Variants in LAP3 observed in about 807,000 individuals in gnomAD.
LAP3 encodes the protein cytosol aminopeptidase.
Under a neutral mutation model 58.8 loss-of-function variants are expected in LAP3, and 46 were observed. The ratio of observed to expected loss-of-function variants is 0.78; its 90% CI spans 0.62 to 1.00. The LOEUF (loss-of-function observed/expected upper bound fraction) is 1.00. LAP3 is among the 50% of genes least tolerant of loss of function. LAP3 has a pLI of 0.00. For synonymous variants in LAP3, 257 were observed against 237.7 expected, an observed-to-expected ratio of 1.08 and a Z score of -0.75; for missense variants, 615 against 659.1, an observed-to-expected ratio of 0.93 and a Z score of 0.73.
At chr4:17,580,827 T>A (rs549472370) in intron 2 of LAP3, among the ~76,000 whole-genome samples, 1 of 152,302 alleles carries the variant, frequency 6.6e-6, no homozygotes, top group African/African-American at 2.4e-5. Context: ...CATGCTGTAT[T>A]TGGCAGACAT....
chr4:17,597,210 A>G lies in LAP3; in HGVS notation c.1077+76A>G, dbSNP rs955122829. ...CCGTGGTGGCCACATAACCACAGCTAGGATGCGTGCAGAGCCCCAGAACCA... is the reference window on the plus strand; with the variant it reads ...CCGTGGTGGCCACATAACCACAGCTGGGATGCGTGCAGAGCCCCAGAACCA... On this transcript the variant is annotated intron_variant, in intron 9 of 12. Coordinates refer to ENST00000226299, the MANE Select transcript of LAP3 (RefSeq NM_015907.3). 339 of 1,206,930 alleles carry G rather than the reference A, an allele frequency of 2.8e-4. 1 individual carries two copies. Among genetic ancestry groups the G allele is most frequent in the Middle Eastern group, 3.8e-4 (2 of 5,280 alleles). The allele number at this position is 1,206,930 out of a possible 1,614,324, so 74.8% of individuals were successfully genotyped here.
intron 9 of LAP3, among the ~76,000 whole-genome samples, chr4:17,597,442 A>T (rs1713858991): frequency 1.3e-5 from 2 of 152,052 alleles, no homozygotes; most frequent in African/African-American, 4.8e-5. Context: ...ATGCCTGGCT[A>T]GCTTTTTGTA....
chr4:17,579,826 C>T lies in LAP3; in HGVS notation c.105C>T (p.Gly35=), dbSNP rs139223671. The T allele has an allele frequency of 3.2e-3, 5,138 of 1,589,784 alleles. 274 individuals carry two copies. In the Admixed American group the frequency reaches 0.082, roughly 25 times the overall value. ...RSLSTADMTK[G]LVLGIYSKEK... ...TTACGTTTTTTGCTTATTCCCAGGGCCTTGTTTTAGGAATCTATTCCAAAG... is the reference window on the plus strand; with the variant it reads ...TTACGTTTTTTGCTTATTCCCAGGGTCTTGTTTTAGGAATCTATTCCAAAG... Residue 35 remains glycine (G), a splice_region_variant and synonymous_variant, in exon 2 of 13, where the codon GGC becomes GGT. Transcript: ENST00000226299.
intron 7 of LAP3, 134 bp downstream of exon 7, chr4:17,589,111 A>T (rs11737120): frequency 0.64 from 572,293 of 891,470 alleles, 186,734 homozygotes; most frequent in East Asian, 0.9. Flanking sequence ...CCCAGGCTAG[A>T]GTGCAGTGGC....
intron 11 of LAP3, 95 bp from the exon 12 acceptor site, chr4:17,606,734 G>C: frequency 1.4e-6 from 1 of 722,208 alleles, no homozygotes; most frequent in Non-Finnish European, 2.4e-6. Context: ...TAACAGGTTA[G>C]AACAACTCTT....
chr4:17,577,413 C>T lies in LAP3; in HGVS notation c.-53C>T. 1.4e-6 allele frequency: 2 copies of T among 1,394,658 alleles called. No individual in the cohort carries two copies. Among genetic ancestry groups the T allele is most frequent in the Non-Finnish European group, 1.9e-6 (2 of 1,043,824 alleles). The allele number at this position is 1,394,658 out of a possible 1,614,324, so 86.4% of individuals were successfully genotyped here. A position where few individuals can be genotyped will look rare whatever the true frequency, so the allele number is the denominator to read the frequency against. ...AGCCCCGCCCCAAGGCGCGCCCGCC[C>T]ACCGCTCTCCACGTGCTCGCTGGAG... On this transcript the variant is annotated 5_prime_UTR_variant, in exon 1 of 13. Transcript: ENST00000226299.
At chr4:17,591,927 C>T (rs1029460454) in intron 7 of LAP3, among the ~76,000 whole-genome samples, 5 of 151,406 alleles carry the variant, frequency 3.3e-5, no homozygotes, top group African/African-American at 1.2e-4. Context: ...GTGAAATTCA[C>T]CCTCTAAGTG....
intron 7 of LAP3, among the ~76,000 whole-genome samples, chr4:17,593,772 C>G (rs897371958): frequency 6.6e-6 from 1 of 151,674 alleles, no homozygotes; most frequent in Non-Finnish European, 1.5e-5. Flanking sequence ...ACCACTATGC[C>G]CAGCTAATTT....
intron 11 of LAP3, among the ~76,000 whole-genome samples, chr4:17,605,325 C>A (rs1447686237): frequency 6.6e-6 from 1 of 152,174 alleles, no homozygotes; most frequent in Non-Finnish European, 1.5e-5. Context: ...GTGTTTGTTC[C>A]CTTTGGCCGC....
intron 5 of LAP3, 87 bp downstream of exon 5, chr4:17,583,729 G>A (rs1577219380): frequency 5.5e-6 from 8 of 1,441,706 alleles, no homozygotes; most frequent in East Asian, 4.6e-5. Flanking sequence ...GCTTTTCAGC[G>A]CCACCCACAG....
intron 7 of LAP3, among the ~76,000 whole-genome samples, chr4:17,591,186 C>T (rs933701569): frequency 6.6e-6 from 1 of 152,112 alleles, no homozygotes; most frequent in African/African-American, 2.4e-5. Context: ...AAGTGATTCT[C>T]CTGCCTGAGC....
Position 17,598,541 on chromosome 4 carries a change from A to G in LAP3, c.1163A>G (p.Asn388Ser), listed in dbSNP as rs1713890389. The G allele has an allele frequency of 3.7e-6, 6 of 1,613,600 alleles. No homozygotes were observed. The highest frequency in any genetic ancestry group is 1.7e-5 in the Admixed American group (1 of 59,992). Residue 388 changes from asparagine (N) to serine (S), a missense_variant, in exon 10 of 13, where the codon AAT (asparagine) becomes AGT (serine). By Grantham distance (46) the Asn-to-Ser change is conservative. Coordinates refer to ENST00000226299, the MANE Select transcript of LAP3 (RefSeq NM_015907.3). ...AHTFNPKVIL[N>S]AATLTGAMDV... ...ACGTTTAACCCGAAGGTCATCCTCA[A>G]TGCCGCCACCTTAACAGGTCAGACC...
rs997421444 is a variant in LAP3, at chr4:17,607,433, G to C, written c.1404G>C (p.Leu468=). The change falls in exon 13 of 13, where the codon CTG becomes CTC. Residue 468 remains leucine, a synonymous_variant. Coordinates refer to ENST00000226299, the MANE Select transcript of LAP3 (RefSeq NM_015907.3). ...GAGCATGTACAGCTGCAGCATTCCT[G>C]AAAGAATTCGTAACTCATCCTAAGT... ...SAGACTAAAF[L]KEFVTHPKWA... 3 of 1,613,566 alleles carry C rather than the reference G, an allele frequency of 1.9e-6. No homozygotes were observed. In the East Asian group the frequency reaches 6.7e-5, roughly 36 times the overall value.
At chr4:17,584,091 G>C (rs1471286962) in intron 5 of LAP3, among the ~76,000 whole-genome samples, 1 of 152,242 alleles carries the variant, frequency 6.6e-6, no homozygotes, top group African/African-American at 2.4e-5. Context: ...GAATAAATAA[G>C]ATGAGACCTT....
chr4:17,604,800 A>G (rs1040841379), intron 11 of LAP3, 133 bp downstream of exon 11: 3 of 693,860 alleles, frequency 4.3e-6, no homozygotes, highest in Non-Finnish European at 2.5e-6. Context: ...TTGAAAATGA[A>G]CCACAGCAAT....
At chr4:17,581,190 G>T (rs1392570577) in intron 2 of LAP3, among the ~76,000 whole-genome samples, 2 of 152,212 alleles carry the variant, frequency 1.3e-5, no homozygotes, top group African/African-American at 4.8e-5. Flanking sequence ...AGTCTGTGGA[G>T]AAACCACATA....
At chr4:17,602,801 C>T (rs1045282982) in intron 10 of LAP3, among the ~76,000 whole-genome samples, 17 of 152,018 alleles carry the variant, frequency 1.1e-4, no homozygotes, top group Non-Finnish European at 2.4e-4. Context: ...TCTCCTGCCT[C>T]AGCCACCTGA....
At chr4:17,584,900 T>C in intron 5 of LAP3, 72 bp from the exon 6 acceptor site, 2 of 1,412,130 alleles carry the variant, frequency 1.4e-6, no homozygotes, top group Non-Finnish European at 2.0e-6. Flanking sequence ...AAGGTAAGAG[T>C]GTCTCTTAGT....
intron 2 of LAP3, 30 bp from the exon 3 acceptor site, chr4:17,581,730 T>C: frequency 3.1e-6 from 5 of 1,601,964 alleles, no homozygotes; most frequent in Non-Finnish European, 4.3e-6. Context: ...AAAATACTTG[T>C]TTTAAAACGA....
Sources: allele counts gnomAD v4.1 joint callset (sites outside exome capture counted in the v4.1 genomes callset), GRCh38; gene constraint gnomAD v4.1.1; transcripts MANE v1.5; gene names NCBI Gene and HGNC (gene_info 2026-07-23, HGNC 2026-07-21).